ITGB2: variants seen among roughly 807,000 people sequenced by gnomAD.
ITGB2 encodes the protein integrin beta-2.
Under a neutral mutation model 86.8 loss-of-function variants are expected in ITGB2, and 56 were observed. The ratio of observed to expected loss-of-function variants is 0.65; its 90% CI spans 0.52 to 0.81. The LOEUF is 0.81. Ranked by LOEUF, ITGB2 falls within the 30% of genes least tolerant of loss-of-function variation. The pLI is 0.00. For synonymous variants in ITGB2, 457 were observed against 450.4 expected (o/e 1.01, Z -0.19); for missense variants, 948 against 1,061.2 (o/e 0.89, Z 1.48).
At chr21:44,887,221 G>A (rs2083712773) in intron 14 of ITGB2, among the ~76,000 whole-genome samples, 1 of 152,174 alleles carries the variant, frequency 6.6e-6, no homozygotes, top group African/African-American at 2.4e-5. Flanking sequence ...ACAGTGCGAG[G>A]GACCCCGCTC....
intron 1 of ITGB2, among the ~76,000 whole-genome samples, chr21:44,918,075 G>C (rs998379487): frequency 1.3e-5 from 2 of 152,242 alleles, no homozygotes; most frequent in Admixed American, 1.3e-4. Flanking sequence ...GGTCCGGCTT[G>C]GGGTGGGTAT....
Position 44,910,917 on chromosome 21 carries a change from T to G in ITGB2, c.-3-132A>C, listed in dbSNP as rs1053781715. 1.7e-5 allele frequency: 15 copies of G among 883,884 alleles called. No individual in the cohort carries two copies. The African/African-American group carries it at 2.1e-4, about 13-fold the overall frequency. The allele number at this position is 883,884 out of a possible 1,614,324, so 54.8% of individuals were successfully genotyped here. A position where few individuals can be genotyped will look rare whatever the true frequency, so the allele number is the denominator to read the frequency against. ...CCCTGCTGCAGGGGGTGGGTTAGGG[T>G]CAGGCCAGCACAGCTGCACTGGGCC... On this transcript the variant is annotated intron_variant, in intron 1 of 15. Coordinates refer to ENST00000652462, the MANE Select transcript of ITGB2 (RefSeq NM_000211.5).
rs556424543 is a variant in ITGB2, at chr21:44,886,029, G to A, written c.*339C>T. On this transcript the variant is annotated 3_prime_UTR_variant, in exon 16 of 16. Coordinates refer to ENST00000652462, the MANE Select transcript of ITGB2 (RefSeq NM_000211.5). Reference sequence around the variant, plus strand: ...TGATTAACAATATAATTAATGGGATGTCATTTTATACCCTGACAAGTTTAA... The same window carrying A: ...TGATTAACAATATAATTAATGGGATATCATTTTATACCCTGACAAGTTTAA... The A allele has an allele frequency of 7.8e-6, 3 of 383,772 alleles. No homozygotes were observed. The highest frequency in any genetic ancestry group is 4.0e-5 in the Admixed American group (1 of 25,308). 23.8% of individuals were successfully genotyped at this position (383,772 alleles called of 1,614,324 possible).
chr21:44,885,991 C>G lies in ITGB2; in HGVS notation c.*377G>C. On this transcript the variant is annotated 3_prime_UTR_variant, in exon 16 of 16. Transcript: ENST00000652462. ...CCTGTATTGAAGTTTTATTTTTTTT[C>G]TATACACGTGATTGATTAACAATAT... is the stretch of plus-strand genomic sequence containing the variant. The G allele has an allele frequency of 3.2e-6, 1 of 316,872 alleles. No individual in the cohort carries two copies. Among genetic ancestry groups the G allele is most frequent in the Non-Finnish European group, 6.1e-6 (1 of 163,496 alleles). The allele number at this position is 316,872 out of a possible 1,614,324, so 19.6% of individuals were successfully genotyped here.
chr21:44,899,657 C>T (rs569701924), intron 7 of ITGB2, among the ~76,000 whole-genome samples: 16 of 152,298 alleles, frequency 1.1e-4, no homozygotes, highest in Middle Eastern at 6.8e-3. Context: ...CGTCGCACTA[C>T]GGCCAGCGAG....
At chr21:44,887,435 G>A (rs555156741) in intron 14 of ITGB2, among the ~76,000 whole-genome samples, 7 of 152,094 alleles carry the variant, frequency 4.6e-5, no homozygotes, top group Non-Finnish European at 8.8e-5. Flanking sequence ...GGCCATAGTG[G>A]GCCAGGCCCA....
At chr21:44,918,605 A>G (rs1190177453) in intron 1 of ITGB2, among the ~76,000 whole-genome samples, 1 of 152,120 alleles carries the variant, frequency 6.6e-6, no homozygotes, top group Non-Finnish European at 1.5e-5. Flanking sequence ...GGCCCCTCCC[A>G]TCTCCTGGAT....
intron 5 of ITGB2, chr21:44,901,964 A>G (rs888270492): frequency 3.5e-6 from 2 of 576,990 alleles, no homozygotes; most frequent in Middle Eastern, 4.6e-4. Flanking sequence ...ATGGATGAGC[A>G]TAAGTGTATG....
intron 13 of ITGB2, 88 bp downstream of exon 13, chr21:44,889,188 A>T: frequency 7.5e-7 from 1 of 1,326,612 alleles, no homozygotes; most frequent in Admixed American, 1.7e-5. Flanking sequence ...AGAGGTGCTC[A>T]CTGGGGTCCC....
intron 1 of ITGB2, among the ~76,000 whole-genome samples, chr21:44,917,825 G>T (rs935183985): frequency 6.6e-6 from 1 of 152,202 alleles, no homozygotes; most frequent in Admixed American, 6.5e-5. Context: ...AGCTGGGCAG[G>T]AAGGTGTTCC....
intron 5 of ITGB2, among the ~76,000 whole-genome samples, chr21:44,902,962 G>T (rs1458918323): frequency 1.3e-5 from 2 of 152,252 alleles, no homozygotes; most frequent in Admixed American, 6.5e-5. Flanking sequence ...GGCAGTGCTG[G>T]TGTAGAGCGG....
chr21:44,887,054 A>G, intron 14 of ITGB2, 152 bp from the exon 15 acceptor site: 1 of 938,148 alleles, frequency 1.1e-6, no homozygotes, highest in East Asian at 2.6e-5. Context: ...GCCAGGGGTC[A>G]GTGAGAACCT....
At chr21:44,922,696 A>T (rs1159226624), upstream of ITGB2, among the ~76,000 whole-genome samples, 1 of 152,088 alleles carries the variant, frequency 6.6e-6, no homozygotes, top group African/African-American at 2.4e-5. Context: ...CTTTAAAAGA[A>T]AAAAGTAAGG....
In ITGB2 at chr21:44,890,065, C is replaced by T. The variant is rs201654243; in HGVS notation, c.1570G>A (p.Val524Ile). ...CGQCLCHTSD[V>I]PGKLIYGQYC... ...TGCCCGTATATCAGCTTGCCGGGGA[C>T]GTCGCTGGTGTGGCACAGGCACTGC... The change falls in exon 12 of 16, where the codon GTC becomes ATC. Residue 524 changes from valine (V) to isoleucine (I), a missense_variant. Coordinates refer to ENST00000652462, the MANE Select transcript of ITGB2 (RefSeq NM_000211.5). 4.7e-5 allele frequency: 76 copies of T among 1,613,382 alleles called. No individual in the cohort carries two copies. The highest frequency in any genetic ancestry group is 6.7e-5 in the African/African-American group (5 of 74,924).
intron 9 of ITGB2, chr21:44,893,942 G>A (rs1288327973): frequency 3.3e-5 from 11 of 330,004 alleles, no homozygotes; most frequent in Non-Finnish European, 3.6e-5. Flanking sequence ...ACAGAGAGAT[G>A]GAGAGAAACA....
At chr21:44,919,369 C>A (rs1426068371) in intron 1 of ITGB2, among the ~76,000 whole-genome samples, 2 of 152,202 alleles carry the variant, frequency 1.3e-5, no homozygotes, top group East Asian at 1.9e-4. Context: ...TGGCAGGGAC[C>A]CTGGGGATTC....
At chr21:44,902,006 A>G (rs889495632) in intron 5 of ITGB2, among the ~76,000 whole-genome samples, 3 of 152,230 alleles carry the variant, frequency 2.0e-5, no homozygotes, top group Admixed American at 1.3e-4. Context: ...GTGTGTGACC[A>G]GGTATACATG....
At chr21:44,904,374 A>G (rs1014546203) in intron 4 of ITGB2, among the ~76,000 whole-genome samples, 6 of 151,836 alleles carry the variant, frequency 4.0e-5, no homozygotes, top group Non-Finnish European at 7.4e-5. Context: ...ACACCCACAT[A>G]TATGCACACA....
rs529222434 is a variant in ITGB2 at position 44,900,255 on chromosome 21, C to T, written c.897+65G>A. 40 of 1,596,346 alleles carry T rather than the reference C, an allele frequency of 2.5e-5. No homozygotes were observed. In the African/African-American group the frequency reaches 4.0e-4, roughly 16 times the overall value. On this transcript the variant is annotated intron_variant, in intron 7 of 15. Coordinates refer to ENST00000652462, the MANE Select transcript of ITGB2 (RefSeq NM_000211.5). ...GAGGCTCTGTCAGGTGGAGACCCCA[C>T]CCTTGTCTCCTCCGTCAGTGGTGTC...
Sources: allele counts gnomAD v4.1 joint callset (sites outside exome capture counted in the v4.1 genomes callset), GRCh38; gene constraint gnomAD v4.1.1; transcripts MANE v1.5; gene names NCBI Gene and HGNC (gene_info 2026-07-23, HGNC 2026-07-21).